BANK1: variants seen among roughly 807,000 people sequenced by gnomAD.
The protein encoded by BANK1 is B-cell scaffold protein with ankyrin repeats.
Under a neutral mutation model 94.5 loss-of-function variants are expected in BANK1, and 95 were observed. That is an observed-to-expected ratio of 1.00 (90% CI 0.85 to 1.19). BANK1 has a LOEUF of 1.19. Ranked by LOEUF, BANK1 falls within the 50% of genes most tolerant of loss-of-function variation. The pLI, the probability that BANK1 is intolerant of heterozygous loss-of-function variation, is 0.00. For synonymous variants in BANK1, 334 were observed against 308.4 expected (o/e 1.08, Z -0.87); for missense variants, 987 against 932.2 (o/e 1.06, Z -0.77).
chr4:101,988,853 T>C (rs1725602099), intron 7 of BANK1, among the ~76,000 whole-genome samples: 1 of 144,674 alleles, frequency 6.9e-6, no homozygotes, highest in Non-Finnish European at 1.5e-5. Context: ...AAAATTATTA[T>C]GTAACGTTTT....
At chr4:101,834,417 G>T (rs1335630551) in intron 2 of BANK1, among the ~76,000 whole-genome samples, 4 of 152,148 alleles carry the variant, frequency 2.6e-5, no homozygotes, top group African/African-American at 9.7e-5. Flanking sequence ...GTACAAGAAT[G>T]CAACCAGAAG....
At chr4:101,860,060 G>T (rs933099682) in intron 3 of BANK1, among the ~76,000 whole-genome samples, 1 of 152,120 alleles carries the variant, frequency 6.6e-6, no homozygotes, top group East Asian at 1.9e-4. Context: ...TTGTGGAGCT[G>T]GTGAGACCTG....
At chr4:101,793,193 T>A (rs1466844481) in intron 1 of BANK1, among the ~76,000 whole-genome samples, 1 of 152,234 alleles carries the variant, frequency 6.6e-6, no homozygotes, top group Non-Finnish European at 1.5e-5. Context: ...TTACGCTGGA[T>A]GCTTATACTT....
intron 6 of BANK1, among the ~76,000 whole-genome samples, chr4:101,904,017 C>A (rs1722365193): frequency 6.6e-6 from 1 of 152,168 alleles, no homozygotes; most frequent in Non-Finnish European, 1.5e-5. Flanking sequence ...TGAGTAGGTT[C>A]AATTGCTTGC....
intron 2 of BANK1, among the ~76,000 whole-genome samples, chr4:101,835,574 T>C (rs13129744): frequency 0.23 from 34,888 of 152,178 alleles, 4,421 homozygotes; most frequent in Non-Finnish European, 0.28. Flanking sequence ...ACAAAATGAA[T>C]AGTAATGTAA....
intron 7 of BANK1, among the ~76,000 whole-genome samples, chr4:102,003,608 G>C (rs944911387): frequency 1.3e-5 from 2 of 152,170 alleles, no homozygotes; most frequent in African/African-American, 4.8e-5. Flanking sequence ...CCTAGTTGCA[G>C]AAGTCATATT....
chr4:102,045,304 C>T lies in BANK1; in HGVS notation c.1969+1397C>T, dbSNP rs532636221. On this transcript the variant is annotated intron_variant, in intron 11 of 16. Coordinates refer to ENST00000322953, the MANE Select transcript of BANK1 (RefSeq NM_017935.5). ...GGGACATATCTCAAAATAATAAGAGCGTATCTATGACAAACCCACAGCCAA... is the reference window on the plus strand; with the variant it reads ...GGGACATATCTCAAAATAATAAGAGTGTATCTATGACAAACCCACAGCCAA... 1.3e-3 allele frequency among the ~76,000 whole-genome samples: 191 copies of T among 152,036 alleles called. 1 individual carries two copies. Among genetic ancestry groups the T allele is most frequent in the Non-Finnish European group, 1.8e-3 (124 of 67,960 alleles).
intron 1 of BANK1, among the ~76,000 whole-genome samples, chr4:101,818,004 A>G (rs1038820440): frequency 2.0e-5 from 3 of 152,188 alleles, no homozygotes; most frequent in African/African-American, 7.2e-5. Context: ...CTGAACTTCA[A>G]TATGGTTTAT....
intron 7 of BANK1, among the ~76,000 whole-genome samples, chr4:102,004,056 C>T (rs1158857510): frequency 6.6e-6 from 1 of 150,676 alleles, no homozygotes; most frequent in Non-Finnish European, 1.5e-5. Context: ...CTGCCTATTC[C>T]TTTTTTTTTC....
intron 4 of BANK1, among the ~76,000 whole-genome samples, chr4:101,868,098 T>C (rs1728145513): frequency 6.6e-6 from 1 of 151,910 alleles, no homozygotes; most frequent in African/African-American, 2.4e-5. Context: ...CACGGGTAAA[T>C]CAAAAGTGAA....
chr4:101,873,866 A>G (rs1472945345), intron 5 of BANK1, among the ~76,000 whole-genome samples: 2 of 152,174 alleles, frequency 1.3e-5, no homozygotes, highest in Admixed American at 1.3e-4. Context: ...GGTAATTAAA[A>G]TCTTTGAGAC....
chr4:101,899,964 G>C (rs1722219995), intron 6 of BANK1, among the ~76,000 whole-genome samples: 1 of 152,176 alleles, frequency 6.6e-6, no homozygotes, highest in Non-Finnish European at 1.5e-5. Flanking sequence ...GGAATGGTAA[G>C]CCCTTCTCCA....
rs1271846603 is a variant in BANK1, at chr4:102,030,351, A to T, written c.1900+86A>T. 18 of 1,326,292 alleles carry T rather than the reference A, an allele frequency of 1.4e-5. No homozygotes were observed. The East Asian group carries it at 4.1e-4, about 30-fold the overall frequency. 82.2% of individuals were successfully genotyped at this position (1,326,292 alleles called of 1,614,324 possible). ...GAGGAGGGGATAAGGTGATGCAATTAATGCTCTAAAACTCCAAAGAGTAAA... is the reference window on the plus strand; with the variant it reads ...GAGGAGGGGATAAGGTGATGCAATTTATGCTCTAAAACTCCAAAGAGTAAA... On this transcript the variant is annotated intron_variant, in intron 10 of 16. Coordinates refer to ENST00000322953, the MANE Select transcript of BANK1 (RefSeq NM_017935.5).
chr4:101,842,363 C>G (rs1376680734), intron 2 of BANK1, among the ~76,000 whole-genome samples: 1 of 152,148 alleles, frequency 6.6e-6, no homozygotes, highest in African/African-American at 2.4e-5. Flanking sequence ...TTCTAACATT[C>G]ATTAATAAAT....
At chr4:102,062,417 G>C (rs558705402) in intron 12 of BANK1, 5 of 152,178 alleles carry the variant, frequency 3.3e-5, no homozygotes, top group African/African-American at 1.2e-4. Flanking sequence ...AGGAAAAGTG[G>C]TTTCTAGGTT....
At chr4:101,798,249 C>T (rs1005907077) in intron 1 of BANK1, among the ~76,000 whole-genome samples, 1 of 152,218 alleles carries the variant, frequency 6.6e-6, no homozygotes, top group Admixed American at 6.5e-5. Context: ...GCCATGGAGA[C>T]GCCCTTTAGA....
intron 7 of BANK1, among the ~76,000 whole-genome samples, chr4:101,999,215 C>G (rs1433270556): frequency 6.6e-6 from 1 of 152,168 alleles, no homozygotes; most frequent in Non-Finnish European, 1.5e-5. Context: ...AATATTAAAG[C>G]TCATGCCCTC....
chr4:101,904,193 T>G (rs1722370303), intron 6 of BANK1, among the ~76,000 whole-genome samples: 1 of 152,208 alleles, frequency 6.6e-6, no homozygotes, highest in African/African-American at 2.4e-5. Context: ...GTCTTTTAAA[T>G]CTATGACTAC....
At chr4:102,052,113 CTTTTTTTTTTTTTT>C (rs199811166) in intron 11 of BANK1, among the ~76,000 whole-genome samples, 8 of 103,994 alleles carry the variant, frequency 7.7e-5, no homozygotes, top group South Asian at 6.9e-4. Context: ...TTCTTTTTTT[CTTTTTTTTTTTTTT>C]TTTTTTTTTG....
Sources: allele counts gnomAD v4.1 joint callset (sites outside exome capture counted in the v4.1 genomes callset), GRCh38; gene constraint gnomAD v4.1.1; transcripts MANE v1.5; gene names NCBI Gene and HGNC (gene_info 2026-07-23, HGNC 2026-07-21).